ZNF704: variants seen among roughly 807,000 people sequenced by gnomAD.
ZNF704 encodes glucocorticoid induced gene 1.
In ZNF704, 10 loss-of-function variants were observed where a neutral mutation model predicts 44.7. That is an observed-to-expected ratio of 0.22 (90% CI 0.14 to 0.38). The LOEUF is 0.38. Among genes scored for constraint, ZNF704 ranks in the 10% least tolerant of loss-of-function variants. The pLI is 1.00. For missense variants in ZNF704, 390 were observed against 545.5 expected (o/e 0.71, Z 2.84); for synonymous variants, 211 against 207.6 (o/e 1.02, Z -0.14).
At chr8:80,844,987 T>C (rs1808745706) in intron 1 of ZNF704, among the ~76,000 whole-genome samples, 1 of 152,038 alleles carries the variant, frequency 6.6e-6, no homozygotes, top group Admixed American at 6.6e-5. Context: ...GCCTGGAATA[T>C]TTCCTGATTT....
intron 2 of ZNF704, among the ~76,000 whole-genome samples, chr8:80,716,244 T>C (rs1819070700): frequency 6.6e-6 from 1 of 152,210 alleles, no homozygotes; most frequent in Admixed American, 6.5e-5. Context: ...TCAAGTCATA[T>C]GACATATTGG....
At position 80,687,425 on chromosome 8, in the gene ZNF704, C is replaced by G; in HGVS notation, c.359G>C (p.Cys120Ser). Residue 120 changes from cysteine to serine, a missense_variant, in exon 4 of 9, where the codon TGC becomes TCC. Transcript: ENST00000327835. Reference protein sequence around the residue: ...SLSGSWKEGGCVPSSTSSSGY... With the variant: ...SLSGSWKEGGSVPSSTSSSGY... The stretch of plus-strand genomic sequence containing the variant: ...GCTGCTGCTGGTGCTGGAAGGCACG[C>G]AGCCGCCCTCCTTCCAGGATCCGCT... The G allele has an allele frequency of 1.4e-5, 23 of 1,589,522 alleles. No homozygotes were observed. The highest frequency in any genetic ancestry group is 2.0e-5 in the Non-Finnish European group (23 of 1,169,564).
intron 2 of ZNF704, among the ~76,000 whole-genome samples, chr8:80,815,246 C>A (rs1808157444): frequency 6.6e-6 from 1 of 152,162 alleles, no homozygotes; most frequent in Non-Finnish European, 1.5e-5. Context: ...AACTAACAAT[C>A]TGTACTATTC....
rs564357776 is a variant in ZNF704, at chr8:80,790,417, C to T, written c.221+30957G>A. Among the ~76,000 whole-genome samples the T allele has an allele frequency of 2.0e-5, 3 of 152,104 alleles. No homozygotes were observed. In the South Asian group the frequency reaches 6.2e-4, roughly 32 times the overall value. ...AGGATGAGTTAGGAATGCCTGAGGG[C>T]CAAGGACTGGTGATGAGTGCAGATG... On this transcript the variant is annotated intron_variant, in intron 2 of 8. Transcript: ENST00000327835.
chr8:80,868,871 C>G (rs909927633), intron 1 of ZNF704, among the ~76,000 whole-genome samples: 4 of 152,164 alleles, frequency 2.6e-5, no homozygotes, highest in African/African-American at 7.2e-5. Flanking sequence ...CTTGCCAACT[C>G]TCTCAACAAT....
chr8:80,693,044 C>G lies in ZNF704; in HGVS notation c.285G>C (p.Ser95=), dbSNP rs116424968. ...GAGGACTTCGAACCAAAGGGCTAGT[C>G]GACAAGCTGGTTAGTACCATTGCTG... ...VTAAMVLTSL[S]TSPLVRSPPV... The change falls in exon 3 of 9, where the codon TCG becomes TCC. Residue 95 remains serine (S), a synonymous_variant. Coordinates refer to ENST00000327835, the MANE Select transcript of ZNF704 (RefSeq NM_001033723.3). 1.2e-6 allele frequency: 2 copies of G among 1,614,084 alleles called. No homozygotes were observed. The highest frequency in any genetic ancestry group is 2.2e-5 in the South Asian group (2 of 91,064).
rs746954672 is a variant in ZNF704, at chr8:80,631,933, G to A, written c.*9433C>T. On this transcript the variant is annotated 3_prime_UTR_variant, in exon 9 of 9. Coordinates refer to ENST00000327835, the MANE Select transcript of ZNF704 (RefSeq NM_001033723.3). ...CAAGAATGTCCCATCAGGGGCTTTG[G>A]AACTGAAAAAACATTAACAACAGCC... The A allele has an allele frequency of 6.6e-6, 1 of 152,176 alleles. No individual in the cohort carries two copies. The highest frequency in any genetic ancestry group is 1.5e-5 in the Non-Finnish European group (1 of 68,048). The allele number at this position is 152,176 out of a possible 1,614,324, so 9.4% of individuals were successfully genotyped here. A position where few individuals can be genotyped will look rare whatever the true frequency, so the allele number is the denominator to read the frequency against.
At chr8:80,665,576 C>T (rs541405719) in intron 5 of ZNF704, among the ~76,000 whole-genome samples, 1 of 152,232 alleles carries the variant, frequency 6.6e-6, no homozygotes, top group South Asian at 2.1e-4. Context: ...AGGGGTACCA[C>T]GTTCACTATT....
intron 2 of ZNF704, among the ~76,000 whole-genome samples, chr8:80,789,663 G>C (rs1200166772): frequency 6.6e-6 from 1 of 152,078 alleles, no homozygotes; most frequent in Non-Finnish European, 1.5e-5. Context: ...GATCTCTTGA[G>C]CACAGGAGTT....
At chr8:80,706,579 C>G (rs185207396) in intron 2 of ZNF704, among the ~76,000 whole-genome samples, 48 of 152,362 alleles carry the variant, frequency 3.2e-4, no homozygotes, top group Non-Finnish European at 5.9e-5. Flanking sequence ...GGGGATGTGT[C>G]TCCCCTCAGA....
At chr8:80,778,753 G>A (rs992939480) in intron 2 of ZNF704, among the ~76,000 whole-genome samples, 2 of 152,104 alleles carry the variant, frequency 1.3e-5, no homozygotes, top group African/African-American at 4.8e-5. Context: ...AACTAATGCA[G>A]GAACAGAAAC....
chr8:80,876,627 A>C (rs1383162978), upstream of ZNF704, among the ~76,000 whole-genome samples: 1 of 152,156 alleles, frequency 6.6e-6, no homozygotes, highest in East Asian at 1.9e-4. Flanking sequence ...ACTTTTACTC[A>C]TCCTCTTTCT....
chr8:80,735,815 C>A (rs1245174412), intron 2 of ZNF704, among the ~76,000 whole-genome samples: 1 of 152,134 alleles, frequency 6.6e-6, no homozygotes, highest in African/African-American at 2.4e-5. Flanking sequence ...TGCAGACCTT[C>A]TATTTAAACA....
At chr8:80,650,996 A>G (rs1476905123) in intron 7 of ZNF704, among the ~76,000 whole-genome samples, 3 of 152,232 alleles carry the variant, frequency 2.0e-5, no homozygotes, top group African/African-American at 7.2e-5. Flanking sequence ...GCCAGAAGAG[A>G]GTGGGGGCCA....
intron 2 of ZNF704, among the ~76,000 whole-genome samples, chr8:80,788,850 C>CGTA (rs1216953159): frequency 6.6e-6 from 1 of 152,072 alleles, no homozygotes; most frequent in Non-Finnish European, 1.5e-5. Context: ...AATTGTGTTG[C>CGTA]GTACCCTTAA....
intron 1 of ZNF704, among the ~76,000 whole-genome samples, chr8:80,866,311 A>C (rs1371675113): frequency 6.6e-6 from 1 of 152,180 alleles, no homozygotes; most frequent in Non-Finnish European, 1.5e-5. Context: ...AATGTGTTAG[A>C]ATGTGGGCTC....
In ZNF704 at chr8:80,782,661, C is replaced by T. The variant is rs540842550; in HGVS notation, c.221+38713G>A. ...TGGGAGTGTAACCAGAAGAGGAGGA[C>T]GACCAGGGTAAGAAAGAGCCTGAAA... On this transcript the variant is annotated intron_variant, in intron 2 of 8. Transcript: ENST00000327835. Among the ~76,000 whole-genome samples the T allele has an allele frequency of 2.6e-5, 4 of 152,106 alleles. No homozygotes were observed. The East Asian group carries it at 7.7e-4, about 29-fold the overall frequency.
Position 80,874,327 on chromosome 8 carries a change from G to T in ZNF704, c.-22+244C>A, listed in dbSNP as rs1367131106. ...CGAGCGGCGCGCTGCCGCCTCCGCC[G>T]CCGCCGCCGCCGCCCGGGAGCCGCG... On this transcript the variant is annotated intron_variant, in intron 1 of 8. Coordinates refer to ENST00000327835, the MANE Select transcript of ZNF704 (RefSeq NM_001033723.3). This position sits in a 1 kb window ranked among gnomAD's most constrained non-coding sequence, Gnocchi z 4.4. Among the ~76,000 whole-genome samples the T allele has an allele frequency of 6.9e-6, 1 of 144,658 alleles. No homozygotes were observed. The highest frequency in any genetic ancestry group is 1.5e-5 in the Non-Finnish European group (1 of 65,132). The allele number at this position is 144,658 out of a possible 152,430, so 94.9% of individuals were successfully genotyped here. A position where few individuals can be genotyped will look rare whatever the true frequency, so the allele number is the denominator to read the frequency against.
intron 2 of ZNF704, chr8:80,749,811 T>C (rs1341086803): frequency 3.3e-5 from 5 of 152,040 alleles, no homozygotes; most frequent in Non-Finnish European, 7.4e-5. Context: ...AGTGTCCCTG[T>C]GGAGAGCAGC....
Sources: allele counts gnomAD v4.1 joint callset (sites outside exome capture counted in the v4.1 genomes callset), GRCh38; gene constraint gnomAD v4.1.1; non-coding constraint Gnocchi (gnomAD v3.1); transcripts MANE v1.5; gene names NCBI Gene and HGNC (gene_info 2026-07-23, HGNC 2026-07-21).